The following CELSR1 variants were observed in gnomAD, a reference collection of about 807,000 sequenced individuals.
The protein encoded by CELSR1 is adhesion G protein-coupled receptor C1.
In CELSR1, 110 loss-of-function variants were observed where a neutral mutation model predicts 249.1. The observed-to-expected ratio is 0.44, with a 90% CI of 0.38 to 0.52. The LOEUF is 0.52. Among genes scored for constraint, CELSR1 ranks in the 20% least tolerant of loss-of-function variants. CELSR1 has a pLI of 0.00. For missense variants in CELSR1, 4,109 were observed against 4,296.4 expected (o/e 0.96, Z 1.22); for synonymous variants, 2,113 against 1,900.0 (o/e 1.11, Z -2.92).
At chr22:46,503,470 G>C (rs755816874) in intron 1 of CELSR1, among the ~76,000 whole-genome samples, 5 of 152,206 alleles carry the variant, frequency 3.3e-5, no homozygotes, top group Admixed American at 6.5e-5. Context: ...TCCCCACTGT[G>C]ACCACGGGAG....
At chr22:46,368,191 G>A (rs1375100801) in intron 27 of CELSR1, among the ~76,000 whole-genome samples, 1 of 152,170 alleles carries the variant, frequency 6.6e-6, no homozygotes, top group African/African-American at 2.4e-5. Flanking sequence ...CCTGTGGAGA[G>A]GCAAGAGGAA....
In CELSR1 at chr22:46,372,967, T is replaced by G. The variant is rs1345029485; in HGVS notation, c.7675A>C (p.Met2559Leu). The G allele has an allele frequency of 6.2e-6, 10 of 1,613,398 alleles. No individual in the cohort carries two copies. The highest frequency in any genetic ancestry group is 8.5e-6 in the Non-Finnish European group (10 of 1,179,900). Residue 2559 changes from methionine (M) to leucine (L), a missense_variant, in exon 25 of 35, where the codon ATG becomes CTG. Around this residue, in one of 7 missense-constraint regions of CELSR1, gnomAD observed 1,805 missense variants for 1,831.6 expected, o/e 0.99. Transcript: ENST00000674500. Reference sequence around the variant, plus strand: ...TCGATGTTGCGCACCTCGGTCAGCATGCGGTAGACATGCAGGCTCTCCACG... The same window carrying G: ...TCGATGTTGCGCACCTCGGTCAGCAGGCGGTAGACATGCAGGCTCTCCACG... ...TLVESLHVYR[M>L]LTEVRNIDTG...
chr22:46,519,996 C>T (rs534026334), intron 1 of CELSR1, among the ~76,000 whole-genome samples: 165 of 152,134 alleles, frequency 1.1e-3, no homozygotes, highest in African/African-American at 3.6e-3. Context: ...CTTACCCACC[C>T]GAGTAGGTGG....
chr22:46,411,819 C>G lies in CELSR1; in HGVS notation c.4612-60G>C. On this transcript the variant is annotated intron_variant, in intron 5 of 34. Coordinates refer to ENST00000674500, the MANE Select transcript of CELSR1 (RefSeq NM_001378328.1). This position sits in a 1 kb window ranked among gnomAD's most constrained non-coding sequence, Gnocchi z 4.2. ...TTTCTCCACCAGTGCCCTCAGCAGGCGCACCTGTCACTCATAGAGCGAGGA... is the reference window on the plus strand; with the variant it reads ...TTTCTCCACCAGTGCCCTCAGCAGGGGCACCTGTCACTCATAGAGCGAGGA... 1 of 1,602,180 alleles carries G rather than the reference C, an allele frequency of 6.2e-7. No homozygotes were observed. Among genetic ancestry groups the G allele is most frequent in the Non-Finnish European group, 8.5e-7 (1 of 1,174,338 alleles).
intron 1 of CELSR1, among the ~76,000 whole-genome samples, chr22:46,528,203 T>A (rs1310825367): frequency 6.6e-6 from 1 of 152,108 alleles, no homozygotes; most frequent in African/African-American, 2.4e-5. Flanking sequence ...CCGCCCCTAC[T>A]TCCTTCTTTG....
chr22:46,468,178 G>A lies in CELSR1; in HGVS notation c.3545-3833C>T, dbSNP rs1041571136. ...CGAGGTGGGTGGATCACGACGTCAG[G>A]AGTTCAAGACCAGCCTGGGCGACCT... is the stretch of plus-strand genomic sequence containing the variant. On this transcript the variant is annotated intron_variant, in intron 1 of 34. Coordinates refer to ENST00000674500, the MANE Select transcript of CELSR1 (RefSeq NM_001378328.1). This position sits in a 1 kb window ranked among gnomAD's most constrained non-coding sequence, Gnocchi z 4.5. 3.3e-5 allele frequency among the ~76,000 whole-genome samples: 5 copies of A among 151,714 alleles called. No individual in the cohort carries two copies. Among genetic ancestry groups the A allele is most frequent in the African/African-American group, 1.2e-4 (5 of 41,266 alleles).
chr22:46,416,786 C>A (rs2079407558), intron 5 of CELSR1, among the ~76,000 whole-genome samples: 1 of 152,172 alleles, frequency 6.6e-6, no homozygotes, highest in Non-Finnish European at 1.5e-5. Flanking sequence ...TGCGTGCAGG[C>A]CCTCCTCCTT....
rs769093608 is a variant in CELSR1, at chr22:46,398,629, T to C, written c.5421A>G (p.Ala1807=). The C allele has an allele frequency of 1.9e-6, 3 of 1,612,542 alleles. No individual in the cohort carries two copies. In the African/African-American group the frequency reaches 4.0e-5, roughly 22 times the overall value. The change falls in exon 11 of 35, where the codon GCA becomes GCG. Residue 1807 remains alanine (A), a synonymous_variant. Transcript: ENST00000674500. The surrounding 1 kb of genome is among the most constrained non-coding windows in gnomAD (Gnocchi z 7.2). ...TLDYGMDQNK[A]DIGGMLPGLT... is the part of the protein sequence containing the mutation. ...GCCCGGGAAGCATGCCCCCGATATC[T>C]GCCTTGTTCTGTGCGGAGAGAGGGG...
rs1011752588 is a variant in CELSR1 at position 46,484,710 on chromosome 22, C to T, written c.3545-20365G>A. Among the ~76,000 whole-genome samples the T allele has an allele frequency of 7.2e-6, 1 of 138,256 alleles. No individual in the cohort carries two copies. The highest frequency in any genetic ancestry group is 8.0e-5 in the Admixed American group (1 of 12,568). The allele number at this position is 138,256 out of a possible 152,430, so 90.7% of individuals were successfully genotyped here. A position where few individuals can be genotyped will look rare whatever the true frequency, so the allele number is the denominator to read the frequency against. On this transcript the variant is annotated intron_variant, in intron 1 of 34. Coordinates refer to ENST00000674500, the MANE Select transcript of CELSR1 (RefSeq NM_001378328.1). This position sits in a 1 kb window ranked among gnomAD's most constrained non-coding sequence, Gnocchi z 4.5. Reference sequence around the variant, plus strand: ...GCCATCAGAGATGCTGGAGTGAGCGCTCACAGGGACCCCGCCCAGGTGCTG... The same window carrying T: ...GCCATCAGAGATGCTGGAGTGAGCGTTCACAGGGACCCCGCCCAGGTGCTG...
Position 46,390,453 on chromosome 22 carries a change from C to G in CELSR1, c.6284G>C (p.Gly2095Ala). The change falls in exon 17 of 35, where the codon GGC (glycine) becomes GCC (alanine). Residue 2095 changes from glycine to alanine, a missense_variant. Gly to Ala is a moderately conservative substitution (Grantham distance 60). Around this residue, in one of 7 missense-constraint regions of CELSR1, gnomAD observed 1,805 missense variants for 1,831.6 expected, o/e 0.99. Coordinates refer to ENST00000674500, the MANE Select transcript of CELSR1 (RefSeq NM_001378328.1). The surrounding 1 kb of genome is among the most constrained non-coding windows in gnomAD (Gnocchi z 6.3). ...GTTAAAGAGCTCTGGGGGCAGCCAGCCCTTCTCCCCGCTGCAGTGTCGGAC... is the reference window on the plus strand; with the variant it reads ...GTTAAAGAGCTCTGGGGGCAGCCAGGCCTTCTCCCCGCTGCAGTGTCGGAC... ...NAVRHCSGEK[G>A]WLPPELFNCT... 1 of 1,613,956 alleles carries G rather than the reference C, an allele frequency of 6.2e-7. No homozygotes were observed. The highest frequency in any genetic ancestry group is 8.5e-7 in the Non-Finnish European group (1 of 1,179,952).
At position 46,390,725 on chromosome 22, in the gene CELSR1, G is replaced by A. The variant is rs764458380; in HGVS notation, c.6251-239C>T. Among the ~76,000 whole-genome samples, 55 of 152,274 alleles carry A rather than the reference G, an allele frequency of 3.6e-4. No individual in the cohort carries two copies. The highest frequency in any genetic ancestry group is 6.5e-4 in the Non-Finnish European group (44 of 68,022). On this transcript the variant is annotated intron_variant, in intron 16 of 34. Coordinates refer to ENST00000674500, the MANE Select transcript of CELSR1 (RefSeq NM_001378328.1). The surrounding 1 kb of genome is among the most constrained non-coding windows in gnomAD (Gnocchi z 6.3). ...CCAGCCAACAGGAGCCAGCACTTCC[G>A]AGCAAGTCCGTGAGGAAAGAAATCA...
chr22:46,456,190 C>G (rs2079946935), intron 2 of CELSR1, among the ~76,000 whole-genome samples: 2 of 152,254 alleles, frequency 1.3e-5, no homozygotes, highest in African/African-American at 4.8e-5. Context: ...ATCCTGGAAG[C>G]CACAGCGAGC....
In CELSR1 at chr22:46,535,560, C is replaced by T. The variant is rs374986132; in HGVS notation, c.1611G>A (p.Gln537=). The T allele has an allele frequency of 6.8e-6, 11 of 1,613,282 alleles. No homozygotes were observed. The highest frequency in any genetic ancestry group is 1.1e-5 in the South Asian group (1 of 91,092). Reference sequence around the variant, plus strand: ...TGATGAGCGGGGGCCGGCCCCCATCCTGGGCCTTAATGCTCAGCGAGTATT... The same window carrying T: ...TGATGAGCGGGGGCCGGCCCCCATCTTGGGCCTTAATGCTCAGCGAGTATT... ...VQKYSLSIKA[Q]DGGRPPLINS... The change falls in exon 1 of 35, where the codon CAG becomes CAA. Residue 537 remains glutamine, a synonymous_variant. Transcript: ENST00000674500.
At chr22:46,497,037 C>T (rs917834057) in intron 1 of CELSR1, among the ~76,000 whole-genome samples, 3 of 152,170 alleles carry the variant, frequency 2.0e-5, no homozygotes, top group Non-Finnish European at 2.9e-5. Context: ...GGTTTGCTTA[C>T]ACCAGCATCA....
chr22:46,528,565 G>A (rs1013050812), intron 1 of CELSR1, among the ~76,000 whole-genome samples: 2 of 152,190 alleles, frequency 1.3e-5, no homozygotes, highest in African/African-American at 2.4e-5. Context: ...TAAAAATGAC[G>A]TGGCCCGGCC....
intron 1 of CELSR1, among the ~76,000 whole-genome samples, chr22:46,476,713 G>T (rs373071208): frequency 3.0e-4 from 46 of 152,096 alleles, no homozygotes; most frequent in African/African-American, 1.1e-3. Context: ...TGATTTCATT[G>T]ATATGAAACA....
In CELSR1 at chr22:46,448,893, G is replaced by A. The variant is rs1195209976; in HGVS notation, c.4184-9482C>T. On this transcript the variant is annotated intron_variant, in intron 2 of 34. Transcript: ENST00000674500. This position sits in a 1 kb window ranked among gnomAD's most constrained non-coding sequence, Gnocchi z 5.7. ...TCATGTGTCAGAAACTTCACTACCA[G>A]AGAAAGCACACAGATAGGAGGCCAA... Among the ~76,000 whole-genome samples, 1 of 152,134 alleles carries A rather than the reference G, an allele frequency of 6.6e-6. No homozygotes were observed. Among genetic ancestry groups the A allele is most frequent in the African/African-American group, 2.4e-5 (1 of 41,420 alleles).
intron 1 of CELSR1, among the ~76,000 whole-genome samples, chr22:46,504,325 A>G (rs2080493253): frequency 6.6e-6 from 1 of 152,080 alleles, no homozygotes; most frequent in African/African-American, 2.4e-5. Context: ...CAGCCTGGTC[A>G]ATATGTTGAA....
intron 5 of CELSR1, among the ~76,000 whole-genome samples, chr22:46,424,009 G>C (rs1365753141): frequency 1.3e-5 from 2 of 152,122 alleles, no homozygotes; most frequent in African/African-American, 4.8e-5. Context: ...GTTTTGGAGA[G>C]CATAGGGTTA....
Sources: gnomAD v4.1 joint callset for allele counts (sites outside exome capture counted in the v4.1 genomes callset) on GRCh38, gnomAD v4.1.1 for gene constraint, gnomAD v4.1.1 regional missense constraint, Gnocchi (gnomAD v3.1) non-coding constraint, MANE v1.5 for transcripts, NCBI Gene and HGNC (gene_info 2026-07-23, HGNC 2026-07-21) for gene names.